Variants in MAMDC2 observed in about 807,000 individuals in gnomAD.
The protein encoded by MAMDC2 is MAM domain-containing protein 2.
MAMDC2 carries 57 observed loss-of-function variants against 89.8 expected under a neutral mutation model. That is an observed-to-expected ratio of 0.63 (90% confidence interval 0.51 to 0.79). The LOEUF (loss-of-function observed/expected upper bound fraction) is 0.79. Among genes scored for constraint, MAMDC2 ranks in the 30% least tolerant of loss-of-function variants. The pLI is 0.00. For missense variants in MAMDC2, 800 were observed against 820.6 expected (o/e 0.97, Z 0.31); for synonymous variants, 313 against 293.4 (o/e 1.07, Z -0.68).
At chr9:70,078,617 C>T (rs777646032) in intron 2 of MAMDC2, among the ~76,000 whole-genome samples, 2 of 152,078 alleles carry the variant, frequency 1.3e-5, no homozygotes, top group Non-Finnish European at 2.9e-5. Flanking sequence ...GGTTGTAGTA[C>T]CCTGTGTAGC....
At chr9:70,185,307 GGTGT>G (rs1309879527) in intron 11 of MAMDC2, among the ~76,000 whole-genome samples, 1 of 152,212 alleles carries the variant, frequency 6.6e-6, no homozygotes, top group Non-Finnish European at 1.5e-5. Context: ...TCCTGTAAGA[GGTGT>G]CTGTCGGTCC....
intron 5 of MAMDC2, among the ~76,000 whole-genome samples, chr9:70,115,507 C>G (rs1337325464): frequency 6.6e-6 from 1 of 152,164 alleles, no homozygotes; most frequent in South Asian, 2.1e-4. Flanking sequence ...AGACACCCAC[C>G]ACTTTGTCCA....
At chr9:70,167,668 G>T (rs1311594926) in intron 9 of MAMDC2, among the ~76,000 whole-genome samples, 1 of 152,202 alleles carries the variant, frequency 6.6e-6, no homozygotes, top group African/African-American at 2.4e-5. Context: ...AGGTCTCTTA[G>T]CTCATCCTAT....
intron 6 of MAMDC2, 90 bp downstream of exon 6, chr9:70,126,505 C>T (rs956487681): frequency 1.3e-5 from 17 of 1,351,144 alleles, no homozygotes; most frequent in Middle Eastern, 2.6e-4. Context: ...GCTGTGCAGC[C>T]TCACACTCAG....
At chr9:70,102,055 T>G (rs997519932) in intron 2 of MAMDC2, among the ~76,000 whole-genome samples, 7 of 152,236 alleles carry the variant, frequency 4.6e-5, no homozygotes, top group Non-Finnish European at 1.0e-4. Flanking sequence ...TAGACTCCAT[T>G]TAGTGGCTAT....
At chr9:70,186,348 T>TG (rs575997168) in intron 11 of MAMDC2, among the ~76,000 whole-genome samples, 328 of 22,658 alleles carry the variant, frequency 0.014, 2 homozygotes, top group Middle Eastern at 0.091. Flanking sequence ...TGTCTGCTGC[T>TG]GATTCTTTCA....
intron 2 of MAMDC2, among the ~76,000 whole-genome samples, chr9:70,050,716 C>G (rs1349273643): frequency 1.3e-5 from 2 of 152,140 alleles, no homozygotes; most frequent in African/African-American, 2.4e-5. Flanking sequence ...CTTTCCAAAA[C>G]AGCTTTTGGG....
intron 2 of MAMDC2, among the ~76,000 whole-genome samples, chr9:70,094,862 TTGGAGG>T (rs1208139096): frequency 6.6e-6 from 1 of 152,186 alleles, no homozygotes; most frequent in Non-Finnish European, 1.5e-5. Context: ...CTAACCATGT[TTGGAGG>T]TAGAGATTAG....
At chr9:70,098,860 A>C (rs931052394) in intron 2 of MAMDC2, among the ~76,000 whole-genome samples, 2 of 152,208 alleles carry the variant, frequency 1.3e-5, no homozygotes, top group African/African-American at 4.8e-5. Flanking sequence ...TCTACATCAT[A>C]GGATCATTTG....
intron 7 of MAMDC2, among the ~76,000 whole-genome samples, chr9:70,138,884 C>T (rs1469520727): frequency 1.3e-5 from 2 of 152,128 alleles, no homozygotes; most frequent in African/African-American, 2.4e-5. Flanking sequence ...TCAGCTCCTA[C>T]TACTGATGTC....
At chr9:70,063,629 C>G (rs1827199625) in intron 2 of MAMDC2, among the ~76,000 whole-genome samples, 1 of 152,136 alleles carries the variant, frequency 6.6e-6, no homozygotes, top group Non-Finnish European at 1.5e-5. Flanking sequence ...AACTTAATGT[C>G]TCTTCATTTA....
At chr9:70,135,106 T>C (rs1377927852) in intron 7 of MAMDC2, among the ~76,000 whole-genome samples, 1 of 152,200 alleles carries the variant, frequency 6.6e-6, no homozygotes, top group Admixed American at 6.5e-5. Flanking sequence ...AAGCTTCTCA[T>C]TTCTTAAAAG....
rs542003456 is a variant in MAMDC2, at chr9:70,144,819, G to A, written c.1404+1000G>A. 2.1e-4 allele frequency among the ~76,000 whole-genome samples: 32 copies of A among 152,290 alleles called. 1 individual carries two copies. Among genetic ancestry groups the A allele is most frequent in the Non-Finnish European group, 4.0e-4 (27 of 68,032 alleles). ...ACATTCATAGCCCGAACTTCTCTTG[G>A]TTACAACCATCTGGATAGAATCATA... On this transcript the variant is annotated intron_variant, in intron 9 of 13. Transcript: ENST00000377182.
intron 11 of MAMDC2, among the ~76,000 whole-genome samples, chr9:70,197,645 T>G (rs1175414390): frequency 6.6e-6 from 1 of 152,126 alleles, no homozygotes; most frequent in African/African-American, 2.4e-5. Flanking sequence ...ACAACATCTG[T>G]GGCAACACTT....
intron 12 of MAMDC2, among the ~76,000 whole-genome samples, chr9:70,220,473 G>A (rs1422038839): frequency 1.3e-5 from 2 of 152,114 alleles, no homozygotes; most frequent in African/African-American, 2.4e-5. Flanking sequence ...AATGATGCCA[G>A]GGAGACCAGG....
chr9:70,181,559 A>C (rs1241358191), intron 11 of MAMDC2, among the ~76,000 whole-genome samples: 4 of 152,032 alleles, frequency 2.6e-5, no homozygotes, highest in African/African-American at 9.7e-5. Flanking sequence ...CTTTTTGAAG[A>C]GGTCCTTCAC....
intron 2 of MAMDC2, among the ~76,000 whole-genome samples, chr9:70,084,059 C>T (rs186280066): frequency 1.3e-5 from 2 of 152,146 alleles, no homozygotes; most frequent in Admixed American, 1.3e-4. Context: ...CTAAGTATCA[C>T]CTATGTGTTT....
intron 2 of MAMDC2, among the ~76,000 whole-genome samples, chr9:70,104,264 C>T (rs1207740609): frequency 6.6e-6 from 1 of 151,984 alleles, no homozygotes; most frequent in Non-Finnish European, 1.5e-5. Context: ...CACATCAATT[C>T]ACTAAAATTA....
chr9:70,064,085 T>A (rs1257737216), intron 2 of MAMDC2, among the ~76,000 whole-genome samples: 1 of 152,062 alleles, frequency 6.6e-6, no homozygotes, highest in African/African-American at 2.4e-5. Flanking sequence ...ACATCTCTAC[T>A]GACAATAAGA....
Sources: allele counts gnomAD v4.1 joint callset (sites outside exome capture counted in the v4.1 genomes callset), GRCh38; gene constraint gnomAD v4.1.1; transcripts MANE v1.5; gene names NCBI Gene and HGNC (gene_info 2026-07-23, HGNC 2026-07-21).